The following NR2C1 variants were observed in gnomAD, a reference collection of about 807,000 sequenced individuals.
NR2C1 encodes the protein TR2 nuclear hormone receptor.
In NR2C1, 33 loss-of-function variants were observed where a neutral mutation model predicts 74.8. The ratio of observed to expected loss-of-function variants is 0.44; its 90% CI spans 0.33 to 0.59. The LOEUF is 0.59. NR2C1 is among the 20% of genes least tolerant of loss of function. NR2C1 has a pLI of 0.02. For synonymous variants in NR2C1, 225 were observed against 240.6 expected (o/e 0.94, Z 0.60); for missense variants, 568 against 715.6 (o/e 0.79, Z 2.35).
chr12:95,033,766 C>CTT, intron 10 of NR2C1, among the ~76,000 whole-genome samples: 1 of 152,288 alleles, frequency 6.6e-6, no homozygotes, highest in South Asian at 2.1e-4. Flanking sequence ...ATTTCTGTAT[C>CTT]TCAGAGACCA....
At chr12:95,033,989 G>A (rs906801823) in intron 10 of NR2C1, among the ~76,000 whole-genome samples, 4 of 152,124 alleles carry the variant, frequency 2.6e-5, no homozygotes, top group African/African-American at 9.7e-5. Flanking sequence ...TGGTAAGAAC[G>A]TCCTGATAGG....
intron 10 of NR2C1, among the ~76,000 whole-genome samples, chr12:95,040,255 T>C (rs1027521506): frequency 6.6e-6 from 1 of 152,308 alleles, no homozygotes; most frequent in South Asian, 2.1e-4. Flanking sequence ...TCCATCCAAA[T>C]TCTTAACTTA....
At chr12:95,053,682 T>G (rs894899967) in intron 7 of NR2C1, among the ~76,000 whole-genome samples, 1 of 59,510 alleles carries the variant, frequency 1.7e-5, no homozygotes, top group Non-Finnish European at 3.8e-5. Context: ...CTTTTTGGTG[T>G]TTTTTTTTTT....
At chr12:95,054,923 C>T (rs1393013209) in intron 7 of NR2C1, among the ~76,000 whole-genome samples, 1 of 152,044 alleles carries the variant, frequency 6.6e-6, no homozygotes, top group East Asian at 1.9e-4. Context: ...TGTTTGTGTC[C>T]CTGGGTACTT....
chr12:95,034,710 CACAA>C (rs1364207852), intron 10 of NR2C1, among the ~76,000 whole-genome samples: 1 of 151,640 alleles, frequency 6.6e-6, no homozygotes, highest in African/African-American at 2.4e-5. Context: ...TGTTTAGATA[CACAA>C]ACATTTACTA....
chr12:95,063,073 G>A (rs1449891680), intron 2 of NR2C1, among the ~76,000 whole-genome samples: 1 of 152,170 alleles, frequency 6.6e-6, no homozygotes, highest in Admixed American at 6.5e-5. Context: ...TTGCCTTCAT[G>A]AAGCTTTTAT....
intron 11 of NR2C1, chr12:95,030,589 A>T (rs1456732011): frequency 6.2e-7 from 1 of 1,613,432 alleles, no homozygotes; most frequent in Admixed American, 1.7e-5. Flanking sequence ...GCCTTCTAGT[A>T]GATCTATTTT....
chr12:95,024,718 G>A (rs1185401339), intron 13 of NR2C1, among the ~76,000 whole-genome samples: 1 of 152,152 alleles, frequency 6.6e-6, no homozygotes, highest in Admixed American at 6.6e-5. Context: ...CTTCAGGCAT[G>A]CGCCACCAAG....
chr12:95,048,724 A>ATG (rs1872616941), intron 9 of NR2C1, among the ~76,000 whole-genome samples: 2 of 150,320 alleles, frequency 1.3e-5, no homozygotes, highest in East Asian at 3.9e-4. Flanking sequence ...TCCCGAGTTC[A>ATG]ATCGATTGTC....
At chr12:95,065,932 A>G (rs1178579033) in intron 2 of NR2C1, among the ~76,000 whole-genome samples, 1 of 151,040 alleles carries the variant, frequency 6.6e-6, no homozygotes, top group East Asian at 2.0e-4. Flanking sequence ...CCTGGACAAC[A>G]GAGCGAGACT....
chr12:95,037,751 CG>C (rs900328518), intron 10 of NR2C1, among the ~76,000 whole-genome samples: 2 of 151,888 alleles, frequency 1.3e-5, no homozygotes, highest in Admixed American at 6.6e-5. Context: ...AAAAATTAGC[CG>C]GGTGTGGTTG....
At position 95,060,604 on chromosome 12, in the gene NR2C1, G is replaced by A. The variant is rs553619664; in HGVS notation, c.286-620C>T. Among the ~76,000 whole-genome samples, 8 of 152,326 alleles carry A rather than the reference G, an allele frequency of 5.3e-5. No homozygotes were observed. In the South Asian group the frequency reaches 1.7e-3, roughly 32 times the overall value. ...CAGGCGGCAGAGGTTGCAGTGAGCC[G>A]AGACTGCACCACTGCACTTTGGCCT... On this transcript the variant is annotated intron_variant, in intron 3 of 13. Transcript: ENST00000333003.
intron 1 of NR2C1, chr12:95,072,719 C>T (rs949156171): frequency 3.9e-5 from 6 of 152,238 alleles, no homozygotes; most frequent in African/African-American, 1.4e-4. Flanking sequence ...TATTTCTTAA[C>T]AAAAGAGCTA....
intron 5 of NR2C1, 73 bp from the exon 6 acceptor site, chr12:95,057,951 A>T: frequency 7.7e-7 from 1 of 1,291,792 alleles, no homozygotes; most frequent in South Asian, 1.3e-5. Flanking sequence ...GCTGTAGGTA[A>T]GCTTAATGCT....
chr12:95,024,978 A>C (rs1160437196), intron 13 of NR2C1, among the ~76,000 whole-genome samples, 172 bp downstream of exon 13: 1 of 152,232 alleles, frequency 6.6e-6, no homozygotes, highest in Non-Finnish European at 1.5e-5. Flanking sequence ...ACTGGATGAA[A>C]TATTTTATGT....
At position 95,057,874 on chromosome 12, in the gene NR2C1, G is replaced by C. The variant is rs1171267000; in HGVS notation, c.549C>G (p.Val183=). The change falls in exon 6 of 14, where the codon GTC becomes GTG. Residue 183 remains valine (V), a synonymous_variant. Transcript: ENST00000333003. ...CTTCAATGGGTTTTCTTTCACATTGGACAGCTACAAAAATGTGTTAAACTA... is the reference window on the plus strand; with the variant it reads ...CTTCAATGGGTTTTCTTTCACATTGCACAGCTACAAAAATGTGTTAAACTA... ...CIAFGMKQDS[V]QCERKPIEVS... 6.2e-7 allele frequency: 1 copy of C among 1,611,812 alleles called. No homozygotes were observed. The highest frequency in any genetic ancestry group is 8.5e-7 in the Non-Finnish European group (1 of 1,178,386).
chr12:95,030,546 A>T, intron 11 of NR2C1: 1 of 1,611,678 alleles, frequency 6.2e-7, no homozygotes, highest in Non-Finnish European at 8.5e-7. Flanking sequence ...AACCAGGGGT[A>T]GGAGTCCATA....
chr12:95,024,850 G>T (rs1238665114), intron 13 of NR2C1, among the ~76,000 whole-genome samples: 1 of 152,168 alleles, frequency 6.6e-6, no homozygotes, highest in Non-Finnish European at 1.5e-5. Context: ...CAAAGAAAAA[G>T]AGTTTGGATT....
At chr12:95,053,339 T>C (rs142738195) in intron 7 of NR2C1, among the ~76,000 whole-genome samples, 3 of 152,258 alleles carry the variant, frequency 2.0e-5, no homozygotes, top group Non-Finnish European at 4.4e-5. Flanking sequence ...ACAATTCTTT[T>C]ATAAAAAAGA....
Sources: allele counts gnomAD v4.1 joint callset (sites outside exome capture counted in the v4.1 genomes callset), GRCh38; gene constraint gnomAD v4.1.1; transcripts MANE v1.5; gene names NCBI Gene and HGNC (gene_info 2026-07-23, HGNC 2026-07-21).